Variants in GRIK2 observed in about 807,000 individuals in gnomAD.
GRIK2 encodes the protein glutamate receptor ionotropic, kainate 2.
Under a neutral mutation model 100.3 loss-of-function variants are expected in GRIK2, and 32 were observed. The ratio of observed to expected loss-of-function variants is 0.32; its 90% CI spans 0.24 to 0.43. The LOEUF is 0.43. GRIK2 is among the 20% of genes least tolerant of loss of function. The probability of loss-of-function intolerance (pLI) is 1.00; values close to 1 mark genes in which losing one functional copy is unlikely to be tolerated. For synonymous variants in GRIK2, 417 were observed against 389.4 expected, an observed-to-expected ratio of 1.07 and a Z score of -0.83; for missense variants, 843 against 1,114.9, an observed-to-expected ratio of 0.76 and a Z score of 3.47.
chr6:101,500,141 A>C (rs1184447971), intron 2 of GRIK2, among the ~76,000 whole-genome samples: 1 of 152,116 alleles, frequency 6.6e-6, no homozygotes, highest in Non-Finnish European at 1.5e-5. Flanking sequence ...TTCTGGATTA[A>C]AGGCCTTAAA....
chr6:101,936,562 C>A, intron 14 of GRIK2, among the ~76,000 whole-genome samples: 1 of 152,056 alleles, frequency 6.6e-6, no homozygotes, highest in East Asian at 1.9e-4. Context: ...GTCTCCCTCC[C>A]CCTTTCCTCA....
intron 14 of GRIK2, among the ~76,000 whole-genome samples, chr6:102,026,944 A>C (rs1769735270): frequency 1.3e-5 from 2 of 151,196 alleles, no homozygotes; most frequent in Admixed American, 6.6e-5. Context: ...TTTCCTAGTG[A>C]CCAAGGTCAG....
intron 2 of GRIK2, among the ~76,000 whole-genome samples, chr6:101,404,521 A>C (rs1582373857): frequency 6.6e-6 from 1 of 152,222 alleles, no homozygotes; most frequent in East Asian, 1.9e-4. Context: ...TGGTAGCCCC[A>C]ATTACATTTA....
chr6:101,601,028 CTT>C (rs2128310006), intron 2 of GRIK2, among the ~76,000 whole-genome samples: 1 of 151,488 alleles, frequency 6.6e-6, no homozygotes, highest in East Asian at 2.0e-4. Flanking sequence ...ATGGTTCAAA[CTT>C]TTGCCCATTT....
intron 12 of GRIK2, among the ~76,000 whole-genome samples, chr6:101,897,246 C>CT (rs897414772): frequency 9.3e-5 from 14 of 151,186 alleles, no homozygotes; most frequent in Admixed American, 4.6e-4. Context: ...TCCTTTCTTC[C>CT]TTTTTTTTGG....
At chr6:101,839,894 G>A (rs995201738) in intron 10 of GRIK2, among the ~76,000 whole-genome samples, 2 of 151,986 alleles carry the variant, frequency 1.3e-5, no homozygotes, top group Non-Finnish European at 2.9e-5. Flanking sequence ...TGAACATATT[G>A]CATTTTATTT....
intron 2 of GRIK2, among the ~76,000 whole-genome samples, chr6:101,488,811 A>C (rs1455483593): frequency 1.4e-5 from 2 of 146,204 alleles, no homozygotes; most frequent in African/African-American, 2.6e-5. Context: ...TGACTTTGTA[A>C]AAACATAGTA....
intron 2 of GRIK2, among the ~76,000 whole-genome samples, chr6:101,532,432 G>C (rs1240523082): frequency 2.0e-5 from 3 of 151,736 alleles, no homozygotes; most frequent in Non-Finnish European, 4.4e-5. Flanking sequence ...TATAAATTCC[G>C]ATAGAATAGA....
intron 15 of GRIK2, among the ~76,000 whole-genome samples, chr6:102,052,981 T>A (rs184581301): frequency 3.3e-5 from 5 of 151,816 alleles, no homozygotes; most frequent in Non-Finnish European, 7.4e-5. Flanking sequence ...GGCAGGAGAA[T>A]CACTTGAGCC....
chr6:101,836,957 C>T (rs1783166887), intron 10 of GRIK2, among the ~76,000 whole-genome samples: 1 of 152,142 alleles, frequency 6.6e-6, no homozygotes, highest in Admixed American at 6.5e-5. Context: ...AGCCACCATG[C>T]CTGGCCTGTT....
intron 2 of GRIK2, among the ~76,000 whole-genome samples, chr6:101,525,610 TA>T (rs1350891122): frequency 1.3e-5 from 2 of 152,188 alleles, no homozygotes; most frequent in South Asian, 4.1e-4. Flanking sequence ...GAATTTTAGG[TA>T]AGAACAAACT....
intron 2 of GRIK2, among the ~76,000 whole-genome samples, chr6:101,522,339 T>C (rs1774921299): frequency 1.3e-5 from 2 of 152,144 alleles, no homozygotes; most frequent in African/African-American, 4.8e-5. Context: ...TTAATCCAGA[T>C]AGGTTATGTT....
chr6:102,020,245 GA>G (rs143416157), intron 14 of GRIK2, among the ~76,000 whole-genome samples: 11 of 150,586 alleles, frequency 7.3e-5, no homozygotes, highest in South Asian at 4.2e-4. Context: ...TAGTGTTAAA[GA>G]AAAAAAAATC....
chr6:101,820,890 A>G (rs1228097727), intron 10 of GRIK2, among the ~76,000 whole-genome samples: 1 of 152,150 alleles, frequency 6.6e-6, no homozygotes, highest in Non-Finnish European at 1.5e-5. Context: ...TACTTTATGT[A>G]CCAGAATACT....
intron 9 of GRIK2, among the ~76,000 whole-genome samples, chr6:101,816,574 C>T (rs1237304905): frequency 6.6e-6 from 1 of 152,158 alleles, no homozygotes; most frequent in Non-Finnish European, 1.5e-5. Context: ...GCCTGCAGTC[C>T]CAGCTACTCG....
chr6:101,831,315 C>T (rs1179348089), intron 10 of GRIK2, among the ~76,000 whole-genome samples: 1 of 152,048 alleles, frequency 6.6e-6, no homozygotes, highest in African/African-American at 2.4e-5. Context: ...AACCAGTCAT[C>T]TCCAGTGTTG....
chr6:101,579,585 G>A (rs1410621854), intron 2 of GRIK2, among the ~76,000 whole-genome samples: 2 of 151,818 alleles, frequency 1.3e-5, no homozygotes, highest in Admixed American at 6.6e-5. Flanking sequence ...GGGCATGGTG[G>A]ATCATGCCTG....
At chr6:101,893,738 C>T (rs972145998) in intron 12 of GRIK2, among the ~76,000 whole-genome samples, 1 of 151,604 alleles carries the variant, frequency 6.6e-6, no homozygotes, top group African/African-American at 2.4e-5. Context: ...CTCATTTATT[C>T]ATTTATTTAT....
intron 14 of GRIK2, among the ~76,000 whole-genome samples, chr6:102,008,833 T>C (rs1795374968): frequency 6.6e-6 from 1 of 152,096 alleles, no homozygotes; most frequent in African/African-American, 2.4e-5. Context: ...CATGCTATTA[T>C]AATATAAATC....
Sources: gnomAD v4.1 joint callset for allele counts (sites outside exome capture counted in the v4.1 genomes callset) on GRCh38, gnomAD v4.1.1 for gene constraint, MANE v1.5 for transcripts, NCBI Gene and HGNC (gene_info 2026-07-23, HGNC 2026-07-21) for gene names.